ERBB4: variants seen among roughly 807,000 people sequenced by gnomAD.
ERBB4 encodes the protein erb-b2 receptor tyrosine kinase 4.
ERBB4 carries 42 observed loss-of-function variants against 158.0 expected under a neutral mutation model. The observed-to-expected ratio is 0.27, with a 90% CI of 0.21 to 0.34. ERBB4 has a LOEUF of 0.34. ERBB4 is among the 10% of genes least tolerant of loss of function. The pLI is 1.00. For missense variants in ERBB4, 1,333 were observed against 1,624.1 expected (o/e 0.82, Z 3.08); for synonymous variants, 583 against 558.7 (o/e 1.04, Z -0.61).
chr2:211,689,046 T>A (rs2072693286), intron 12 of ERBB4, among the ~76,000 whole-genome samples: 1 of 152,174 alleles, frequency 6.6e-6, no homozygotes, highest in Non-Finnish European at 1.5e-5. Flanking sequence ...AAAAGCTGAA[T>A]GATTTGATGT....
chr2:212,363,467 AATC>A (rs1280477800), intron 1 of ERBB4, among the ~76,000 whole-genome samples: 3 of 151,510 alleles, frequency 2.0e-5, no homozygotes, highest in Non-Finnish European at 4.4e-5. Context: ...ATGCTATTAT[AATC>A]ATCATTACAC....
intron 25 of ERBB4, among the ~76,000 whole-genome samples, chr2:211,390,226 A>T (rs1285458032): frequency 1.3e-5 from 2 of 152,214 alleles, no homozygotes; most frequent in African/African-American, 2.4e-5. Context: ...GTGAAAGCAC[A>T]GGCACTGTGG....
chr2:212,238,112 C>T (rs2106004246), intron 1 of ERBB4, among the ~76,000 whole-genome samples: 1 of 152,296 alleles, frequency 6.6e-6, no homozygotes, highest in African/African-American at 2.4e-5. Context: ...GTGTTTCAGG[C>T]ACCACTGAGG....
chr2:212,105,991 T>C (rs1206365369), intron 2 of ERBB4, among the ~76,000 whole-genome samples: 1 of 152,238 alleles, frequency 6.6e-6, no homozygotes, highest in Non-Finnish European at 1.5e-5. Flanking sequence ...CACATGGAAC[T>C]GTGAGTCCAT....
At chr2:212,486,207 T>C (rs1689971107) in intron 1 of ERBB4, among the ~76,000 whole-genome samples, 1 of 152,008 alleles carries the variant, frequency 6.6e-6, no homozygotes, top group African/African-American at 2.4e-5. Context: ...ACAAAACTTT[T>C]AGGACATTAA....
intron 1 of ERBB4, among the ~76,000 whole-genome samples, chr2:212,447,774 T>TTGTGTGTGTGTG (rs3040357): frequency 0.014 from 2,036 of 147,176 alleles, 35 homozygotes; most frequent in African/African-American, 0.044. Flanking sequence ...TCATAAAAGA[T>TTGTGTGTGTGTG]TGTGTGTGTG....
intron 3 of ERBB4, among the ~76,000 whole-genome samples, chr2:211,791,138 C>A (rs1361577185): frequency 6.6e-6 from 1 of 151,778 alleles, no homozygotes; most frequent in East Asian, 1.9e-4. Flanking sequence ...CTTAGAGATA[C>A]AAATTATTTA....
At chr2:211,877,621 T>C (rs925622985) in intron 3 of ERBB4, among the ~76,000 whole-genome samples, 3 of 152,130 alleles carry the variant, frequency 2.0e-5, no homozygotes, top group African/African-American at 7.2e-5. Flanking sequence ...TAAAATATGT[T>C]TGCTACTATA....
chr2:211,566,355 T>G (rs2067547292), intron 19 of ERBB4, among the ~76,000 whole-genome samples: 1 of 152,096 alleles, frequency 6.6e-6, no homozygotes, highest in Non-Finnish European at 1.5e-5. Flanking sequence ...AAGGCCAGAT[T>G]ATAGGTAAAT....
intron 8 of ERBB4, among the ~76,000 whole-genome samples, chr2:211,712,947 C>T (rs941903854): frequency 6.6e-6 from 1 of 152,040 alleles, no homozygotes; most frequent in Admixed American, 6.6e-5. Flanking sequence ...TTTCATCTTG[C>T]TTAATTTAGG....
chr2:212,347,365 G>A (rs1039066544), intron 1 of ERBB4, among the ~76,000 whole-genome samples: 2 of 152,096 alleles, frequency 1.3e-5, no homozygotes, highest in Middle Eastern at 3.4e-3. Flanking sequence ...TTTGATAAGT[G>A]ATTTCAAAAT....
chr2:211,388,568 TTTTG>T (rs1184899056), intron 25 of ERBB4, among the ~76,000 whole-genome samples: 2 of 152,080 alleles, frequency 1.3e-5, no homozygotes, highest in African/African-American at 4.8e-5. Flanking sequence ...CTCACATTTT[TTTTG>T]TTTTTTTTTT....
At chr2:212,223,515 C>G (rs1009194248) in intron 1 of ERBB4, among the ~76,000 whole-genome samples, 1 of 150,498 alleles carries the variant, frequency 6.6e-6, no homozygotes, top group Non-Finnish European at 1.5e-5. Context: ...CAGCCACACA[C>G]AGATTCAAAT....
chr2:211,664,452 G>A (rs2071547088), intron 15 of ERBB4, among the ~76,000 whole-genome samples: 1 of 152,048 alleles, frequency 6.6e-6, no homozygotes, highest in African/African-American at 2.4e-5. Flanking sequence ...TAGGAGGATG[G>A]CAAATGTAAC....
chr2:212,299,873 TTTTG>T (rs2086555742), intron 1 of ERBB4, among the ~76,000 whole-genome samples: 1 of 151,622 alleles, frequency 6.6e-6, no homozygotes, highest in African/African-American at 2.4e-5. Context: ...ACGGCAGAAA[TTTTG>T]TTTGTTTCAA....
At chr2:211,853,547 C>T (rs563089087) in intron 3 of ERBB4, among the ~76,000 whole-genome samples, 4 of 152,074 alleles carry the variant, frequency 2.6e-5, no homozygotes, top group South Asian at 4.1e-4. Context: ...AGATCATTAG[C>T]CTCTTTCCTT....
At chr2:212,148,981 C>A (rs2080775619) in intron 1 of ERBB4, among the ~76,000 whole-genome samples, 1 of 124,918 alleles carries the variant, frequency 8.0e-6, no homozygotes, top group Admixed American at 9.1e-5. Flanking sequence ...CACATGGACA[C>A]AGGAAGGGGA....
At chr2:211,387,666 G>C (rs2062714692) in intron 26 of ERBB4, among the ~76,000 whole-genome samples, 1 of 152,122 alleles carries the variant, frequency 6.6e-6, no homozygotes, top group Admixed American at 6.6e-5. Context: ...CAATAATCAG[G>C]GAAGTAAAGA....
intron 20 of ERBB4, among the ~76,000 whole-genome samples, chr2:211,505,373 G>A (rs952415770): frequency 1.3e-5 from 2 of 151,780 alleles, no homozygotes; most frequent in African/African-American, 4.8e-5. Flanking sequence ...AGCTTCATAA[G>A]TGAAGAAATA....
Sources: gnomAD v4.1 joint callset for allele counts (sites outside exome capture counted in the v4.1 genomes callset) on GRCh38, gnomAD v4.1.1 for gene constraint, MANE v1.5 for transcripts, NCBI Gene and HGNC (gene_info 2026-07-23, HGNC 2026-07-21) for gene names.